TMEM126A: variants seen among roughly 807,000 people sequenced by gnomAD.
TMEM126A encodes the protein transmembrane protein 126A.
A neutral mutation model predicts 18.3 loss-of-function variants in TMEM126A; 10 were observed. The observed-to-expected ratio is 0.55, with a 90% CI of 0.34 to 0.93. TMEM126A has a LOEUF of 0.93. Ranked by LOEUF, TMEM126A falls within the 40% of genes least tolerant of loss-of-function variation. The probability of loss-of-function intolerance (pLI) is 0.02; values close to 1 mark genes in which losing one functional copy is unlikely to be tolerated. For synonymous variants in TMEM126A, 68 were observed against 78.1 expected (o/e 0.87, Z 0.68); for missense variants, 246 against 230.2 (o/e 1.07, Z -0.44).
chr11:85,652,389 A>T (rs890114013), intron 2 of TMEM126A, among the ~76,000 whole-genome samples: 4 of 151,884 alleles, frequency 2.6e-5, no homozygotes, highest in African/African-American at 9.7e-5. Context: ...TTAAATCTTC[A>T]TTTCTTCTTG....
intron 3 of TMEM126A, chr11:85,655,338 C>T: frequency 2.6e-6 from 1 of 391,458 alleles, no homozygotes; most frequent in Non-Finnish European, 4.8e-6. Context: ...CTAGCAGTAG[C>T]CCAAACCATG....
At chr11:85,651,849 G>A (rs2153312680) in intron 2 of TMEM126A, among the ~76,000 whole-genome samples, 1 of 152,242 alleles carries the variant, frequency 6.6e-6, no homozygotes, top group East Asian at 1.9e-4. Flanking sequence ...CAGCAAGATA[G>A]GGAAAGTGAG....
Position 85,654,080 on chromosome 11 carries a change from G to C in TMEM126A, c.104G>C (p.Gly35Ala). 1 of 1,614,142 alleles carries C rather than the reference G, an allele frequency of 6.2e-7. No individual in the cohort carries two copies. The highest frequency in any genetic ancestry group is 2.2e-5 in the East Asian group (1 of 44,872). ...CCTTTCAGGAATCTACTTGAAAATGGATCGGTTTATGTTGGATTAAATGCT... is the reference window on the plus strand; with the variant it reads ...CCTTTCAGGAATCTACTTGAAAATGCATCGGTTTATGTTGGATTAAATGCT... ...PEAERNLLENGSVYVGLNAAL... is the reference protein window; with the variant it reads ...PEAERNLLENASVYVGLNAAL... Residue 35 changes from glycine (G) to alanine (A), a missense_variant, in exon 3 of 5, where the codon GGA (glycine) becomes GCA (alanine). Transcript: ENST00000304511.
intron 3 of TMEM126A, 39 bp downstream of exon 3, chr11:85,654,295 G>T (rs1555208656): frequency 6.3e-7 from 1 of 1,594,818 alleles, no homozygotes; most frequent in South Asian, 1.1e-5. Context: ...GTTTGCCTTA[G>T]TATATGTTAT....
intron 1 of TMEM126A, among the ~76,000 whole-genome samples, chr11:85,649,878 T>G (rs1314025075): frequency 6.6e-6 from 1 of 152,236 alleles, no homozygotes; most frequent in African/African-American, 2.4e-5. Flanking sequence ...TCCATGTATG[T>G]TCTGGGTACT....
chr11:85,655,766 G>A (rs181684638), intron 4 of TMEM126A, 58 bp downstream of exon 4: 24 of 1,265,516 alleles, frequency 1.9e-5, no homozygotes, highest in Admixed American at 3.4e-5. Context: ...ACAACTTAAA[G>A]CAGCAAATAT....
chr11:85,653,050 C>T (rs2082513315), intron 2 of TMEM126A, among the ~76,000 whole-genome samples: 1 of 152,146 alleles, frequency 6.6e-6, no homozygotes, highest in Admixed American at 6.5e-5. Flanking sequence ...TCCTGAACTG[C>T]CACTGTCTTG....
rs1450952868 is a variant in TMEM126A at position 85,654,092 on chromosome 11, T to C, written c.116T>C (p.Val39Ala). 25 of 1,614,210 alleles carry C rather than the reference T, an allele frequency of 1.5e-5. No homozygotes were observed. Among genetic ancestry groups the C allele is most frequent in the Non-Finnish European group, 2.0e-5 (24 of 1,180,030 alleles). The stretch of plus-strand genomic sequence containing the variant: ...CTACTTGAAAATGGATCGGTTTATG[T>C]TGGATTAAATGCTGCTCTTTGTGGC... ...RNLLENGSVY[V>A]GLNAALCGLI... The change falls in exon 3 of 5, where the codon GTT (valine) becomes GCT (alanine). Residue 39 changes from valine to alanine, a missense_variant. Val to Ala is a moderately conservative substitution (Grantham distance 64). Coordinates refer to ENST00000304511, the MANE Select transcript of TMEM126A (RefSeq NM_032273.4).
At chr11:85,649,065 G>C (rs760880822) in intron 1 of TMEM126A, among the ~76,000 whole-genome samples, 2 of 151,896 alleles carry the variant, frequency 1.3e-5, no homozygotes, top group Non-Finnish European at 2.9e-5. Context: ...CTCCCGAGTA[G>C]CTGGGATTAC....
intron 1 of TMEM126A, among the ~76,000 whole-genome samples, chr11:85,649,190 C>T (rs1328015506): frequency 1.3e-5 from 2 of 152,228 alleles, no homozygotes; most frequent in East Asian, 1.9e-4. Flanking sequence ...CTGCCTTGGC[C>T]TCCCAAGGTG....
At chr11:85,655,817 C>T (rs2082533815) in intron 4 of TMEM126A, 109 bp downstream of exon 4, 6 of 754,674 alleles carry the variant, frequency 8.0e-6, no homozygotes, top group South Asian at 1.5e-5. Context: ...CAATGTTACC[C>T]TCTTGATTAG....
chr11:85,651,799 C>G (rs2082502282), intron 2 of TMEM126A, among the ~76,000 whole-genome samples: 2 of 152,062 alleles, frequency 1.3e-5, no homozygotes, highest in South Asian at 4.1e-4. Flanking sequence ...AACGGAAAAC[C>G]TTTTAAAGCA....
Position 85,654,212 on chromosome 11 carries a change from C to A in TMEM126A, c.236C>A (p.Thr79Lys), listed in dbSNP as rs1221890645. 1.9e-6 allele frequency: 3 copies of A among 1,614,076 alleles called. No individual in the cohort carries two copies. The highest frequency in any genetic ancestry group is 2.2e-5 in the South Asian group (2 of 91,082). Residue 79 changes from threonine (T) to lysine (K), a missense_variant, in exon 3 of 5, where the codon ACA becomes AAA. Coordinates refer to ENST00000304511, the MANE Select transcript of TMEM126A (RefSeq NM_032273.4). Reference sequence around the variant, plus strand: ...ATGGCAGGGATACCTTTTCTTACAACAGACTTAACTTACAGATGTTTTGTA... The same window carrying A: ...ATGGCAGGGATACCTTTTCTTACAAAAGACTTAACTTACAGATGTTTTGTA... The part of the protein sequence containing the change: ...LPMAGIPFLT[T>K]DLTYRCFVSF...
intron 3 of TMEM126A, 43 bp downstream of exon 3, chr11:85,654,299 A>G (rs529891145): frequency 2.1e-5 from 34 of 1,584,806 alleles, no homozygotes; most frequent in Non-Finnish European, 2.9e-5. Context: ...GCCTTAGTAT[A>G]TGTTATTTGC....
chr11:85,652,201 C>A (rs866803933), intron 2 of TMEM126A, among the ~76,000 whole-genome samples: 1 of 152,178 alleles, frequency 6.6e-6, no homozygotes, highest in African/African-American at 2.4e-5. Flanking sequence ...GAGAAGAAAG[C>A]AGTCTGTCAC....
At chr11:85,656,252 G>C in intron 4 of TMEM126A, 57 bp from the exon 5 acceptor site, 2 of 1,466,116 alleles carry the variant, frequency 1.4e-6, no homozygotes, top group Non-Finnish European at 1.9e-6. Context: ...TCACAGATGG[G>C]TTTGCCATTT....
intron 2 of TMEM126A, among the ~76,000 whole-genome samples, chr11:85,652,589 G>C (rs2082509071): frequency 6.6e-6 from 1 of 152,090 alleles, no homozygotes; most frequent in Non-Finnish European, 1.5e-5. Flanking sequence ...TTTTTAGTTG[G>C]TATAGGTACT....
intron 3 of TMEM126A, among the ~76,000 whole-genome samples, chr11:85,655,068 T>C (rs893460697): frequency 6.6e-6 from 1 of 152,126 alleles, no homozygotes; most frequent in African/African-American, 2.4e-5. Flanking sequence ...GCTGAATACT[T>C]TGAGTACAGT....
intron 1 of TMEM126A, among the ~76,000 whole-genome samples, chr11:85,648,936 GTT>G (rs760886814): frequency 5.3e-5 from 7 of 132,348 alleles, no homozygotes; most frequent in Non-Finnish European, 6.5e-5. Flanking sequence ...TCCCTGAACT[GTT>G]TTTTTTTTTT....
Sources: gnomAD v4.1 joint callset for allele counts (sites outside exome capture counted in the v4.1 genomes callset) on GRCh38, gnomAD v4.1.1 for gene constraint, MANE v1.5 for transcripts, NCBI Gene and HGNC (gene_info 2026-07-23, HGNC 2026-07-21) for gene names.